ZNF385D: variants seen among roughly 807,000 people sequenced by gnomAD.
ZNF385D encodes the protein zinc finger protein 385D, also known as zinc finger protein 659.
ZNF385D carries 15 observed loss-of-function variants against 35.8 expected under a neutral mutation model. That is an observed-to-expected ratio of 0.42 (90% CI 0.28 to 0.64). The LOEUF (loss-of-function observed/expected upper bound fraction) is 0.64, where lower values mean the gene tolerates loss of function less well. ZNF385D is among the 30% of genes least tolerant of loss of function. The probability of loss-of-function intolerance (pLI) is 0.23; values close to 1 mark genes in which losing one functional copy is unlikely to be tolerated. For missense variants in ZNF385D, 474 were observed against 494.6 expected, an observed-to-expected ratio of 0.96 and a Z score of 0.39; for synonymous variants, 212 against 186.8, an observed-to-expected ratio of 1.13 and a Z score of -1.10.
At chr3:21,613,551 AG>A (rs1158891253) in intron 2 of ZNF385D, among the ~76,000 whole-genome samples, 1 of 152,192 alleles carries the variant, frequency 6.6e-6, no homozygotes, top group Non-Finnish European at 1.5e-5. Context: ...AGCATACAAA[AG>A]GACCCAACAT....
At chr3:21,566,463 T>TAACA (rs956413695) in intron 2 of ZNF385D, among the ~76,000 whole-genome samples, 21 of 152,234 alleles carry the variant, frequency 1.4e-4, no homozygotes, top group East Asian at 1.9e-4. Context: ...TTGTCTTTAC[T>TAACA]AACAAAGTAC....
intron 4 of ZNF385D, among the ~76,000 whole-genome samples, chr3:21,496,265 T>TTA (rs952117124): frequency 2.7e-5 from 4 of 146,722 alleles, no homozygotes; most frequent in Non-Finnish European, 4.5e-5. Flanking sequence ...TATATATAAT[T>TTA]TATATATATA....
chr3:22,082,525 G>C (rs1700805733), intron 3 of ZNF385D, among the ~76,000 whole-genome samples: 1 of 152,186 alleles, frequency 6.6e-6, no homozygotes, highest in South Asian at 2.1e-4. Context: ...GCTGAGGCTT[G>C]AGTAGGTAAA....
chr3:21,628,928 G>C (rs1365064035), intron 2 of ZNF385D, among the ~76,000 whole-genome samples: 3 of 151,982 alleles, frequency 2.0e-5, no homozygotes, highest in Non-Finnish European at 2.9e-5. Flanking sequence ...CATGTTTTAT[G>C]ACTCCATGTA....
intron 1 of ZNF385D, among the ~76,000 whole-genome samples, chr3:21,737,382 T>C (rs1307694571): frequency 6.6e-6 from 1 of 151,774 alleles, no homozygotes; most frequent in Non-Finnish European, 1.5e-5. Flanking sequence ...AGAATGAGAA[T>C]CAGTATACGA....
chr3:21,522,744 C>T (rs1559370679), intron 3 of ZNF385D, among the ~76,000 whole-genome samples: 1 of 152,094 alleles, frequency 6.6e-6, no homozygotes, highest in Admixed American at 6.6e-5. Flanking sequence ...ACTCTAGAAG[C>T]CTGAATTATC....
intron 2 of ZNF385D, among the ~76,000 whole-genome samples, chr3:21,658,836 T>C (rs1173495891): frequency 1.3e-5 from 2 of 152,064 alleles, no homozygotes; most frequent in Admixed American, 6.6e-5. Context: ...TATAGTTCTT[T>C]ATAGAATGAT....
intron 1 of ZNF385D, among the ~76,000 whole-genome samples, chr3:21,682,931 G>A (rs2066964470): frequency 6.7e-6 from 1 of 149,882 alleles, no homozygotes; most frequent in African/African-American, 2.5e-5. Context: ...TCTGGCACCA[G>A]CTGTTGTTGG....
intron 3 of ZNF385D, among the ~76,000 whole-genome samples, chr3:21,806,558 C>T (rs1367211196): frequency 6.6e-6 from 1 of 152,056 alleles, no homozygotes; most frequent in Admixed American, 6.6e-5. Context: ...TACGTGAAAC[C>T]AGTGCAATTT....
intron 2 of ZNF385D, among the ~76,000 whole-genome samples, chr3:22,211,525 G>C (rs763481783): frequency 6.6e-6 from 1 of 151,946 alleles, no homozygotes; most frequent in Non-Finnish European, 1.5e-5. Context: ...GACTAGGCTC[G>C]GATTTCATTT....
chr3:21,976,924 G>T (rs1485474838), intron 3 of ZNF385D, among the ~76,000 whole-genome samples: 1 of 152,160 alleles, frequency 6.6e-6, no homozygotes, highest in Non-Finnish European at 1.5e-5. Flanking sequence ...GGAGGCGGAG[G>T]TTGCAGTGAG....
At chr3:22,076,805 T>C (rs374126708) in intron 3 of ZNF385D, among the ~76,000 whole-genome samples, 2 of 151,970 alleles carry the variant, frequency 1.3e-5, no homozygotes, top group Non-Finnish European at 2.9e-5. Flanking sequence ...GGACAAAATA[T>C]TTGAAGTTCA....
chr3:21,632,426 GA>G (rs1166325839), intron 2 of ZNF385D, among the ~76,000 whole-genome samples: 1 of 152,012 alleles, frequency 6.6e-6, no homozygotes, highest in African/African-American at 2.4e-5. Context: ...TTCATTTACT[GA>G]GTCTATATCA....
At chr3:21,763,255 G>A (rs1313351819) in intron 3 of ZNF385D, among the ~76,000 whole-genome samples, 3 of 152,158 alleles carry the variant, frequency 2.0e-5, no homozygotes, top group Non-Finnish European at 4.4e-5. Flanking sequence ...CTGAGTAACA[G>A]TGATGGCTCC....
intron 3 of ZNF385D, among the ~76,000 whole-genome samples, chr3:21,920,133 C>T (rs1003026594): frequency 2.0e-5 from 3 of 152,134 alleles, no homozygotes; most frequent in Admixed American, 6.5e-5. Context: ...GAATATGCAA[C>T]AGAGACTATA....
At chr3:21,641,146 G>GT (rs2065593455) in intron 2 of ZNF385D, among the ~76,000 whole-genome samples, 1 of 152,094 alleles carries the variant, frequency 6.6e-6, no homozygotes, top group Admixed American at 6.6e-5. Flanking sequence ...TGTTCTTGCT[G>GT]TAACTATTTC....
At chr3:22,066,355 T>C (rs1341259867) in intron 3 of ZNF385D, among the ~76,000 whole-genome samples, 11 of 149,054 alleles carry the variant, frequency 7.4e-5, no homozygotes, top group Non-Finnish European at 1.3e-4. Context: ...CTGGGCGAGA[T>C]GGTTCCCTGT....
intron 3 of ZNF385D, among the ~76,000 whole-genome samples, chr3:22,005,020 T>C (rs1259240533): frequency 7.5e-6 from 1 of 133,934 alleles, no homozygotes; most frequent in African/African-American, 2.8e-5. Flanking sequence ...CCTTAGATAT[T>C]TGGGGTTAAT....
intron 3 of ZNF385D, among the ~76,000 whole-genome samples, chr3:21,899,162 T>G (rs9845220): frequency 0.017 from 2,594 of 152,096 alleles, 78 homozygotes; most frequent in African/African-American, 0.058. Flanking sequence ...ATATAGCATC[T>G]AGATGCCAAG....
Sources: allele counts gnomAD v4.1 joint callset (sites outside exome capture counted in the v4.1 genomes callset), GRCh38; gene constraint gnomAD v4.1.1; transcripts MANE v1.5; gene names NCBI Gene and HGNC (gene_info 2026-07-23, HGNC 2026-07-21).